The following EFCAB13 variants were observed in gnomAD, a reference collection of about 807,000 sequenced individuals.
EFCAB13 encodes the protein EF-hand calcium-binding domain-containing protein 13.
In EFCAB13, 91 loss-of-function variants were observed where a neutral mutation model predicts 110.2. That is an observed-to-expected ratio of 0.83 (90% CI 0.70 to 0.98). The LOEUF (loss-of-function observed/expected upper bound fraction) is 0.98. Among genes scored for constraint, EFCAB13 ranks in the 50% least tolerant of loss-of-function variants. The pLI is 0.00. For synonymous variants in EFCAB13, 323 were observed against 369.9 expected (o/e 0.87, Z 1.45); for missense variants, 968 against 1,119.4 (o/e 0.86, Z 1.93).
At chr17:47,354,264 A>G (rs1179474233) in intron 9 of EFCAB13, among the ~76,000 whole-genome samples, 1 of 152,080 alleles carries the variant, frequency 6.6e-6, no homozygotes, top group Non-Finnish European at 1.5e-5. Flanking sequence ...ATTTTCTTAA[A>G]TTTGTTGAGG....
At chr17:47,434,398 G>A (rs1405540024) in intron 24 of EFCAB13, among the ~76,000 whole-genome samples, 1 of 152,090 alleles carries the variant, frequency 6.6e-6, no homozygotes, top group Non-Finnish European at 1.5e-5. Context: ...AAACACTGCT[G>A]AAAGAGAGTA....
At chr17:47,342,837 T>C (rs796798131) in intron 6 of EFCAB13, among the ~76,000 whole-genome samples, 48 of 152,270 alleles carry the variant, frequency 3.2e-4, no homozygotes, top group African/African-American at 1.2e-3. Context: ...ATTTTGTTCT[T>C]TGTAATTTCT....
rs1437733116 is a variant in EFCAB13, at chr17:47,403,883, C to T, written c.2023C>T (p.Gln675Ter). Residue 675 changes from glutamine to a stop codon, truncating the protein, a stop_gained, in exon 19 of 25, where the codon CAG (glutamine) becomes TAG (stop). Coordinates refer to ENST00000331493, the MANE Select transcript of EFCAB13 (RefSeq NM_152347.5). LOFTEE classifies it high-confidence loss of function. ...MRDAARLEELQEVVLAADLLE... is the reference protein window; with the variant it reads ...MRDAARLEEL ...AACTTTTTTTCTATTTATAGAGTTA[C>T]AGGAAGTTGTCTTAGCTGCTGATTT... 2 of 1,598,282 alleles carry T rather than the reference C, an allele frequency of 1.3e-6. No individual in the cohort carries two copies. Among genetic ancestry groups the T allele is most frequent in the Non-Finnish European group, 1.7e-6 (2 of 1,174,430 alleles).
chr17:47,415,966 C>T lies in EFCAB13; in HGVS notation c.2494+1047C>T, dbSNP rs560988925. 2.6e-3 allele frequency among the ~76,000 whole-genome samples: 401 copies of T among 152,108 alleles called. 2 individuals carry two copies. Among genetic ancestry groups the T allele is most frequent in the South Asian group, 6.9e-3 (33 of 4,810 alleles). On this transcript the variant is annotated intron_variant, in intron 23 of 24. Coordinates refer to ENST00000331493, the MANE Select transcript of EFCAB13 (RefSeq NM_152347.5). ...CTGACTCCCACATCTGCAGAGAACA[C>T]CTACCAAAGAACTCTTCATGGATGC...
At chr17:47,418,136 T>C (rs1351333499) in intron 23 of EFCAB13, among the ~76,000 whole-genome samples, 2 of 152,190 alleles carry the variant, frequency 1.3e-5, no homozygotes, top group African/African-American at 4.8e-5. Context: ...TGTTATACAA[T>C]CAAAAGATGG....
chr17:47,379,390 T>G, intron 14 of EFCAB13, 137 bp downstream of exon 14: 1 of 604,852 alleles, frequency 1.7e-6, no homozygotes. Flanking sequence ...AGTTGCCAGT[T>G]TTTAAAAACT....
chr17:47,347,688 A>C (rs577050314), intron 8 of EFCAB13, 120 bp from the exon 9 acceptor site: 6 of 718,972 alleles, frequency 8.3e-6, no homozygotes, highest in African/African-American at 3.7e-5. Context: ...AACAAGTTTG[A>C]AAGGCTGAAA....
chr17:47,332,984 C>G (rs1202053027), intron 4 of EFCAB13, among the ~76,000 whole-genome samples: 1 of 152,116 alleles, frequency 6.6e-6, no homozygotes, highest in East Asian at 1.9e-4. Flanking sequence ...TTTGAGGAAC[C>G]TCCATACTGT....
intron 9 of EFCAB13, among the ~76,000 whole-genome samples, chr17:47,355,475 A>G (rs1006521884): frequency 2.0e-5 from 3 of 152,112 alleles, no homozygotes; most frequent in Non-Finnish European, 4.4e-5. Flanking sequence ...AATATGTTTT[A>G]ACAAACTTTC....
intron 10 of EFCAB13, among the ~76,000 whole-genome samples, chr17:47,368,960 A>T (rs2065565273): frequency 6.6e-6 from 1 of 152,228 alleles, no homozygotes; most frequent in South Asian, 2.1e-4. Flanking sequence ...CACTTAAAGG[A>T]TGCCAATGAT....
chr17:47,396,979 A>T (rs1391250189), intron 17 of EFCAB13, among the ~76,000 whole-genome samples: 3 of 152,106 alleles, frequency 2.0e-5, no homozygotes, highest in Non-Finnish European at 4.4e-5. Context: ...AGACCAACAA[A>T]GTATTATTTT....
Position 47,441,014 on chromosome 17 carries a change from A to C in EFCAB13, c.*300A>C, listed in dbSNP as rs1598772744. On this transcript the variant is annotated 3_prime_UTR_variant, in exon 25 of 25. Coordinates refer to ENST00000331493, the MANE Select transcript of EFCAB13 (RefSeq NM_152347.5). ...CCTTACTATACACAACATATAGACT[A>C]TATTATCCCCCAGAAGTCTCTTATG... is the stretch of plus-strand genomic sequence containing the variant. 5.6e-6 allele frequency: 1 copy of C among 179,280 alleles called. No individual in the cohort carries two copies. The highest frequency in any genetic ancestry group is 2.3e-5 in the African/African-American group (1 of 42,554). 11.1% of individuals were successfully genotyped at this position (179,280 alleles called of 1,614,324 possible). A position where few individuals can be genotyped will look rare whatever the true frequency, so the allele number is the denominator to read the frequency against.
rs773535214 is a variant in EFCAB13, at chr17:47,412,807, C to T, written c.2313C>T (p.Val771=). Residue 771 remains valine (V), a synonymous_variant, in exon 22 of 25, where the codon GTC becomes GTT. Transcript: ENST00000331493. ...AAGCTGCTAACATCTTGTCACATGT[C>T]GATAATGGCAAGATTGGTATACCTG... is the stretch of plus-strand genomic sequence containing the variant. The part of the protein sequence containing the change: ...IKEAANILSH[V]DNGKIGIPDL... 3.1e-6 allele frequency: 5 copies of T among 1,613,372 alleles called. No homozygotes were observed. In the South Asian group the frequency reaches 4.4e-5, roughly 14 times the overall value.
chr17:47,428,414 T>G (rs1026578633), intron 23 of EFCAB13, among the ~76,000 whole-genome samples: 1 of 152,088 alleles, frequency 6.6e-6, no homozygotes, highest in Non-Finnish European at 1.5e-5. Flanking sequence ...CTTCCCAATA[T>G]CCATATTTTA....
intron 10 of EFCAB13, among the ~76,000 whole-genome samples, chr17:47,363,300 C>G (rs755929542): frequency 7.9e-5 from 12 of 152,124 alleles, no homozygotes; most frequent in Non-Finnish European, 1.5e-4. Context: ...CTTCTGGAAG[C>G]AAGTGATCCT....
chr17:47,380,349 C>T (rs9890782), intron 14 of EFCAB13, among the ~76,000 whole-genome samples: 78,765 of 151,814 alleles, frequency 0.52, 20,946 homozygotes, highest in Middle Eastern at 0.56. Flanking sequence ...TCTGTTCCTG[C>T]GTTAGTTTGC....
In EFCAB13 at chr17:47,391,026, A is replaced by G. The variant is rs566082331; in HGVS notation, c.1583-411A>G. ...ACTATCATAGCTCACCTCAGCCTTCATCTTCTGGGCTCAAGCAATTCTCCT... is the reference window on the plus strand; with the variant it reads ...ACTATCATAGCTCACCTCAGCCTTCGTCTTCTGGGCTCAAGCAATTCTCCT... On this transcript the variant is annotated intron_variant, in intron 14 of 24. Coordinates refer to ENST00000331493, the MANE Select transcript of EFCAB13 (RefSeq NM_152347.5). 2.5e-3 allele frequency among the ~76,000 whole-genome samples: 378 copies of G among 152,142 alleles called. 3 individuals are homozygous for G. Among genetic ancestry groups the G allele is most frequent in the African/African-American group, 8.9e-3 (369 of 41,496 alleles).
intron 24 of EFCAB13, among the ~76,000 whole-genome samples, chr17:47,434,813 G>T (rs1371898994): frequency 6.6e-6 from 1 of 152,140 alleles, no homozygotes; most frequent in Non-Finnish European, 1.5e-5. Context: ...TCAACAAATG[G>T]TGTGGGGATA....
In EFCAB13 at chr17:47,379,264, A is replaced by G; in HGVS notation, c.1582+11A>G. 1 of 1,607,492 alleles carries G rather than the reference A, an allele frequency of 6.2e-7. No homozygotes were observed. ...TTCCTGAATGCAATGGTAGGTAGGA[A>G]ATTTGTTTTAAAATGATTTAGAGGG... On this transcript the variant is annotated intron_variant, in intron 14 of 24. Coordinates refer to ENST00000331493, the MANE Select transcript of EFCAB13 (RefSeq NM_152347.5).
Sources: allele counts gnomAD v4.1 joint callset (sites outside exome capture counted in the v4.1 genomes callset), GRCh38; gene constraint gnomAD v4.1.1; transcripts MANE v1.5; gene names NCBI Gene and HGNC (gene_info 2026-07-23, HGNC 2026-07-21).